Variants in ST6GALNAC3 observed in about 807,000 individuals in gnomAD.
The protein encoded by ST6GALNAC3 is alpha-N-acetylgalactosaminide alpha-2,6-sialyltransferase 3.
ST6GALNAC3 carries 25 observed loss-of-function variants against 32.7 expected under a neutral mutation model. The ratio of observed to expected loss-of-function variants is 0.76; its 90% CI spans 0.56 to 1.07. The LOEUF (loss-of-function observed/expected upper bound fraction) is 1.07, where lower values mean the gene tolerates loss of function less well. ST6GALNAC3 is among the 50% of genes least tolerant of loss of function. The pLI, the probability that ST6GALNAC3 is intolerant of heterozygous loss-of-function variation, is 0.00. For missense variants in ST6GALNAC3, 355 were observed against 382.4 expected, an observed-to-expected ratio of 0.93 and a Z score of 0.60; for synonymous variants, 129 against 133.1, an observed-to-expected ratio of 0.97 and a Z score of 0.21.
rs149551257 is a variant in ST6GALNAC3 at position 76,570,668 on chromosome 1, T to C, written c.624-56784T>C. On this transcript the variant is annotated intron_variant, in intron 3 of 4. Coordinates refer to ENST00000328299, the MANE Select transcript of ST6GALNAC3 (RefSeq NM_152996.4). ...TTGCTAAGGCTTATGCGTGCTTTTA[T>C]TGTGTTTGTTTTTACTCATTTTTCT... is the stretch of plus-strand genomic sequence containing the variant. 2.4e-3 allele frequency among the ~76,000 whole-genome samples: 361 copies of C among 152,196 alleles called. 2 individuals are homozygous for C. Among genetic ancestry groups the C allele is most frequent in the African/African-American group, 8.1e-3 (336 of 41,556 alleles).
chr1:76,597,007 A>C (rs1349260683), intron 3 of ST6GALNAC3, among the ~76,000 whole-genome samples: 1 of 152,196 alleles, frequency 6.6e-6, no homozygotes, highest in East Asian at 1.9e-4. Flanking sequence ...CTAGCATAAA[A>C]GATTTCTGGG....
At chr1:76,255,843 T>G (rs1387760102) in intron 1 of ST6GALNAC3, among the ~76,000 whole-genome samples, 1 of 151,452 alleles carries the variant, frequency 6.6e-6, no homozygotes, top group Non-Finnish European at 1.5e-5. Context: ...GAAAAAAGGA[T>G]GAAAGAAAAG....
chr1:76,482,733 A>G (rs772274125), intron 3 of ST6GALNAC3, among the ~76,000 whole-genome samples: 8 of 151,834 alleles, frequency 5.3e-5, no homozygotes, highest in Non-Finnish European at 1.2e-4. Flanking sequence ...TATTTTTATT[A>G]TTATTATTAT....
At chr1:76,207,622 C>T (rs903232834) in intron 1 of ST6GALNAC3, among the ~76,000 whole-genome samples, 3 of 152,114 alleles carry the variant, frequency 2.0e-5, no homozygotes, top group Admixed American at 6.6e-5. Flanking sequence ...TAGCCCACAC[C>T]GGTGATCATG....
At chr1:76,149,370 G>T (rs549324127) in intron 1 of ST6GALNAC3, among the ~76,000 whole-genome samples, 1 of 152,184 alleles carries the variant, frequency 6.6e-6, no homozygotes, top group African/African-American at 2.4e-5. Context: ...CAGTGGGAAA[G>T]AGTATATTCC....
chr1:76,623,479 G>A (rs941714355), intron 3 of ST6GALNAC3, among the ~76,000 whole-genome samples: 1 of 151,886 alleles, frequency 6.6e-6, no homozygotes, highest in Middle Eastern at 3.2e-3. Flanking sequence ...ATTTGTGGAT[G>A]AGAATAATTG....
At chr1:76,468,435 A>G (rs1658795535) in intron 3 of ST6GALNAC3, among the ~76,000 whole-genome samples, 1 of 152,010 alleles carries the variant, frequency 6.6e-6, no homozygotes, top group Admixed American at 6.6e-5. Flanking sequence ...AATCCTGAAA[A>G]CGAGAATGCT....
At chr1:76,274,385 A>G (rs1406053266) in intron 1 of ST6GALNAC3, among the ~76,000 whole-genome samples, 1 of 152,198 alleles carries the variant, frequency 6.6e-6, no homozygotes, top group African/African-American at 2.4e-5. Context: ...ATGGTGGCTT[A>G]TAGCAAGCAT....
At chr1:76,202,504 C>T (rs908386894) in intron 1 of ST6GALNAC3, among the ~76,000 whole-genome samples, 12 of 152,080 alleles carry the variant, frequency 7.9e-5, no homozygotes, top group African/African-American at 2.4e-4. Context: ...AAGTTCTCTC[C>T]CCCAGCCTCT....
At chr1:76,611,017 A>C (rs1031242864) in intron 3 of ST6GALNAC3, among the ~76,000 whole-genome samples, 1 of 152,060 alleles carries the variant, frequency 6.6e-6, no homozygotes, top group African/African-American at 2.4e-5. Context: ...TGTTTCTAAA[A>C]GGTGGGGCAT....
intron 1 of ST6GALNAC3, among the ~76,000 whole-genome samples, chr1:76,124,106 A>G (rs1394723207): frequency 1.3e-5 from 2 of 152,084 alleles, no homozygotes; most frequent in South Asian, 2.1e-4. Context: ...TAATCTTTAC[A>G]TGTCTAAAAA....
At position 76,632,639 on chromosome 1, in the gene ST6GALNAC3, T is replaced by C. The variant is rs1199660240; in HGVS notation, c.*3833T>C. On this transcript the variant is annotated 3_prime_UTR_variant, in exon 5 of 5. Transcript: ENST00000328299. The stretch of plus-strand genomic sequence containing the variant: ...GGAACAAGAGTCTGAATTGGGGACC[T>C]GCTGACCTTCCAAGAAGTAGAAGGC... 1 of 152,180 alleles carries C rather than the reference T, an allele frequency of 6.6e-6. No homozygotes were observed. Among genetic ancestry groups the C allele is most frequent in the African/African-American group, 2.4e-5 (1 of 41,452 alleles). 9.4% of individuals were successfully genotyped at this position (152,180 alleles called of 1,614,324 possible).
rs142113969 is a variant in ST6GALNAC3, at chr1:76,502,276, A to G, written c.623+89859A>G. On this transcript the variant is annotated intron_variant, in intron 3 of 4. Transcript: ENST00000328299. The stretch of plus-strand genomic sequence containing the variant: ...GATGTCTTGGAAAAAGCAGCCAACA[A>G]CTTCTGCCACATTAAATAATCTCCA... Among the ~76,000 whole-genome samples the G allele has an allele frequency of 6.8e-3, 1,031 of 152,334 alleles. 11 individuals are homozygous for G. Among genetic ancestry groups the G allele is most frequent in the South Asian group, 0.018 (88 of 4,826 alleles).
At chr1:76,380,419 G>A (rs772175064) in intron 2 of ST6GALNAC3, among the ~76,000 whole-genome samples, 1 of 152,110 alleles carries the variant, frequency 6.6e-6, no homozygotes, top group Non-Finnish European at 1.5e-5. Context: ...TGTTAGAATT[G>A]AACATATGCA....
At chr1:76,085,757 C>T (rs1377914315) in intron 1 of ST6GALNAC3, among the ~76,000 whole-genome samples, 1 of 152,122 alleles carries the variant, frequency 6.6e-6, no homozygotes, top group Non-Finnish European at 1.5e-5. Flanking sequence ...TTTGATTAGA[C>T]CTACCATATG....
chr1:76,208,692 A>T (rs1243372972), intron 1 of ST6GALNAC3, among the ~76,000 whole-genome samples: 1 of 150,874 alleles, frequency 6.6e-6, no homozygotes, highest in Non-Finnish European at 1.5e-5. Context: ...ATCTCTTTCC[A>T]TTATGATGAT....
intron 1 of ST6GALNAC3, among the ~76,000 whole-genome samples, chr1:76,125,160 C>T (rs1649159485): frequency 6.6e-6 from 1 of 152,204 alleles, no homozygotes; most frequent in South Asian, 2.1e-4. Context: ...CAGCCTCTCT[C>T]TAAACCCATT....
intron 2 of ST6GALNAC3, among the ~76,000 whole-genome samples, chr1:76,360,318 G>A (rs1295212880): frequency 2.0e-5 from 3 of 152,016 alleles, no homozygotes; most frequent in East Asian, 1.9e-4. Flanking sequence ...TTTGTTTACA[G>A]CTCTCATGTT....
At chr1:76,618,713 C>G (rs1469579337) in intron 3 of ST6GALNAC3, among the ~76,000 whole-genome samples, 2 of 152,074 alleles carry the variant, frequency 1.3e-5, no homozygotes, top group African/African-American at 4.8e-5. Flanking sequence ...GCTGAAGGAA[C>G]AACCCCTACC....
Sources: allele counts gnomAD v4.1 joint callset (sites outside exome capture counted in the v4.1 genomes callset), GRCh38; gene constraint gnomAD v4.1.1; transcripts MANE v1.5; gene names NCBI Gene and HGNC (gene_info 2026-07-23, HGNC 2026-07-21).